Variants in ADTRP observed in about 807,000 individuals in gnomAD.
ADTRP encodes the protein androgen-dependent TFPI-regulating protein.
ADTRP carries 20 observed loss-of-function variants against 27.0 expected under a neutral mutation model. That is an observed-to-expected ratio of 0.74 (90% CI 0.52 to 1.08). The LOEUF (loss-of-function observed/expected upper bound fraction) is 1.08. Among genes scored for constraint, ADTRP ranks in the 50% least tolerant of loss-of-function variants. ADTRP has a pLI of 0.00. For missense variants in ADTRP, 251 were observed against 275.0 expected, an observed-to-expected ratio of 0.91 and a Z score of 0.62; for synonymous variants, 101 against 105.2, an observed-to-expected ratio of 0.96 and a Z score of 0.25.
In ADTRP at chr6:11,723,597, A is replaced by T. The variant is rs559016952; in HGVS notation, c.507-97T>A. Reference sequence around the variant, plus strand: ...TGAGGTACTGGTACCCAGGCAGGGGAAGAGAACCCATCAGGGACGTTTGTC... The same window carrying T: ...TGAGGTACTGGTACCCAGGCAGGGGTAGAGAACCCATCAGGGACGTTTGTC... On this transcript the variant is annotated intron_variant, in intron 4 of 5. Coordinates refer to ENST00000414691, the MANE Select transcript of ADTRP (RefSeq NM_032744.4). The T allele has an allele frequency of 2.5e-5, 36 of 1,416,750 alleles. 1 individual carries two copies. In the South Asian group the frequency reaches 4.7e-4, roughly 19 times the overall value. The allele number at this position is 1,416,750 out of a possible 1,614,324, so 87.8% of individuals were successfully genotyped here. A position where few individuals can be genotyped will look rare whatever the true frequency, so the allele number is the denominator to read the frequency against.
intron 5 of ADTRP, among the ~76,000 whole-genome samples, chr6:11,718,485 G>C (rs1761906490): frequency 6.6e-6 from 1 of 152,210 alleles, no homozygotes; most frequent in Non-Finnish European, 1.5e-5. Flanking sequence ...GCAGAGAAGG[G>C]AGCCTTTGAT....
Position 11,714,527 on chromosome 6 carries a change from A to G in ADTRP, c.659-15T>C. The G allele has an allele frequency of 6.2e-7, 1 of 1,610,916 alleles. No homozygotes were observed. Among genetic ancestry groups the G allele is most frequent in the Non-Finnish European group, 8.5e-7 (1 of 1,179,108 alleles). ...CCTCATGTCACCTGTACAAACAAGA[A>G]CAGAGACAGACCTCAGGCTTCAGGC... On this transcript the variant is annotated splice_polypyrimidine_tract_variant and intron_variant, in intron 5 of 5. Transcript: ENST00000414691.
At chr6:11,770,231 C>A (rs1251729943) in intron 1 of ADTRP, 6 of 737,778 alleles carry the variant, frequency 8.1e-6, no homozygotes, top group Non-Finnish European at 1.1e-5. Flanking sequence ...TTCCCACCCC[C>A]AGAGATTCTA....
At chr6:11,725,038 A>C (rs942400975) in intron 4 of ADTRP, among the ~76,000 whole-genome samples, 4 of 152,230 alleles carry the variant, frequency 2.6e-5, no homozygotes, top group Admixed American at 2.0e-4. Context: ...TGGAAGAATG[A>C]AATTCTGTGC....
intron 1 of ADTRP, 38 bp downstream of exon 1, chr6:11,778,569 G>C: frequency 6.3e-7 from 1 of 1,594,160 alleles, no homozygotes; most frequent in Non-Finnish European, 8.6e-7. Context: ...ATATTCTAGA[G>C]AAATGGATCG....
At chr6:11,717,702 T>C (rs6918885) in intron 5 of ADTRP, among the ~76,000 whole-genome samples, 159 of 152,314 alleles carry the variant, frequency 1.0e-3, no homozygotes, top group African/African-American at 3.5e-3. Flanking sequence ...GATAGTCCTG[T>C]GTTCACACTG....
chr6:11,774,044 C>T (rs1227626550), intron 1 of ADTRP, among the ~76,000 whole-genome samples: 1 of 152,170 alleles, frequency 6.6e-6, no homozygotes, highest in Non-Finnish European at 1.5e-5. Context: ...TGCGGTGGCT[C>T]ACGCCTGTAA....
intron 1 of ADTRP, 124 bp downstream of exon 1, chr6:11,778,483 A>G (rs1764031469): frequency 7.4e-7 from 1 of 1,344,504 alleles, no homozygotes; most frequent in South Asian, 1.7e-5. Context: ...AAAACTCACA[A>G]AACGGTGAAG....
chr6:11,720,598 C>A (rs534451655), intron 5 of ADTRP, among the ~76,000 whole-genome samples: 1 of 152,054 alleles, frequency 6.6e-6, no homozygotes, highest in Admixed American at 6.5e-5. Context: ...CAGCCTCCCG[C>A]GTAGCTGGGA....
chr6:11,766,355 C>A lies in ADTRP; in HGVS notation c.309G>T (p.Trp103Cys). 1.2e-6 allele frequency: 2 copies of A among 1,611,500 alleles called. No individual in the cohort carries two copies. Among genetic ancestry groups the A allele is most frequent in the South Asian group, 1.1e-5 (1 of 90,598 alleles). ...GATCTCGATTGTAGAGAAAGAGGAT[C>A]CAGAATGCCAAAAATACAAACTGGA... ...PVSTFVFLAF[W>C]ILFLYNRDLI... The change falls in exon 3 of 6, where the codon TGG (tryptophan) becomes TGT (cysteine). Residue 103 changes from tryptophan (W) to cysteine (C), a missense_variant. Coordinates refer to ENST00000414691, the MANE Select transcript of ADTRP (RefSeq NM_032744.4).
At chr6:11,734,112 T>C (rs1446213032) in intron 4 of ADTRP, among the ~76,000 whole-genome samples, 1 of 152,208 alleles carries the variant, frequency 6.6e-6, no homozygotes, top group Non-Finnish European at 1.5e-5. Context: ...TATAATCAGC[T>C]AGATTCCACT....
intron 3 of ADTRP, among the ~76,000 whole-genome samples, chr6:11,737,631 T>C (rs968912927): frequency 1.3e-5 from 2 of 152,096 alleles, no homozygotes; most frequent in African/African-American, 4.8e-5. Flanking sequence ...GACCAAGCTG[T>C]AAGTACAGGG....
In ADTRP at chr6:11,727,975, T is replaced by G. The variant is rs149945892; in HGVS notation, c.507-4475A>C. Among the ~76,000 whole-genome samples the G allele has an allele frequency of 7.5e-3, 357 of 47,344 alleles. 3 individuals carry two copies. Among genetic ancestry groups the G allele is most frequent in the East Asian group, 0.028 (15 of 540 alleles). The allele number at this position is 47,344 out of a possible 152,430, so 31.1% of individuals were successfully genotyped here. ...GAAGGGAGGCAGGGAGGGAGGGAGG[T>G]AGGTAGGGAGGGAGGGAGGGAGGGA... On this transcript the variant is annotated intron_variant, in intron 4 of 5. Coordinates refer to ENST00000414691, the MANE Select transcript of ADTRP (RefSeq NM_032744.4).
chr6:11,724,600 T>TG (rs1762128181), intron 4 of ADTRP, among the ~76,000 whole-genome samples: 1 of 152,096 alleles, frequency 6.6e-6, no homozygotes, highest in Non-Finnish European at 1.5e-5. Context: ...AAATTAAATG[T>TG]GGGGAAGCTG....
intron 4 of ADTRP, among the ~76,000 whole-genome samples, chr6:11,727,934 G>A (rs1397374692): frequency 3.5e-4 from 44 of 124,898 alleles, no homozygotes; most frequent in African/African-American, 1.2e-3. Context: ...AGGAAGGAAG[G>A]ACGGAAAGAA....
chr6:11,714,365 C>T lies in ADTRP; in HGVS notation c.*113G>A. 2.5e-6 allele frequency: 3 copies of T among 1,196,008 alleles called. No homozygotes were observed. Among genetic ancestry groups the T allele is most frequent in the East Asian group, 2.4e-5 (1 of 41,606 alleles). The allele number at this position is 1,196,008 out of a possible 1,614,324, so 74.1% of individuals were successfully genotyped here. ...TTAAATTTAAGTATCACTCTCTGTC[C>T]CTCCTACTTTGCTATGTTCCTCCAC... On this transcript the variant is annotated 3_prime_UTR_variant, in exon 6 of 6. Transcript: ENST00000414691.
intron 1 of ADTRP, among the ~76,000 whole-genome samples, chr6:11,775,774 T>C (rs1163022614): frequency 6.6e-6 from 1 of 152,146 alleles, no homozygotes; most frequent in African/African-American, 2.4e-5. Context: ...ACTGGGGCAA[T>C]GCTCACAGTG....
intron 1 of ADTRP, among the ~76,000 whole-genome samples, chr6:11,769,813 T>A (rs2113343166): frequency 6.6e-6 from 1 of 152,246 alleles, no homozygotes; most frequent in East Asian, 1.9e-4. Flanking sequence ...TAGAAAAAGA[T>A]TATTTAATCT....
intron 3 of ADTRP, among the ~76,000 whole-genome samples, chr6:11,755,305 T>C (rs1763180965): frequency 1.3e-5 from 2 of 152,284 alleles, no homozygotes; most frequent in Admixed American, 6.5e-5. Context: ...CTGTTGATAA[T>C]AGGAAATCAC....
Sources: gnomAD v4.1 joint callset for allele counts (sites outside exome capture counted in the v4.1 genomes callset) on GRCh38, gnomAD v4.1.1 for gene constraint, MANE v1.5 for transcripts, NCBI Gene and HGNC (gene_info 2026-07-23, HGNC 2026-07-21) for gene names.